The following SLC25A12 variants were observed in gnomAD, a reference collection of about 807,000 sequenced individuals.
The protein encoded by SLC25A12 is solute carrier family 25 member 12, also known as electrogenic aspartate/glutamate antiporter SLC25A12, mitochondrial.
SLC25A12 carries 32 observed loss-of-function variants against 83.3 expected under a neutral mutation model. That is an observed-to-expected ratio of 0.38 (90% CI 0.29 to 0.52). The LOEUF (loss-of-function observed/expected upper bound fraction) is 0.52. SLC25A12 is among the 20% of genes least tolerant of loss of function. SLC25A12 has a pLI of 0.84. For missense variants in SLC25A12, 611 were observed against 835.6 expected (o/e 0.73, Z 3.31); for synonymous variants, 267 against 291.1 (o/e 0.92, Z 0.84).
At chr2:171,793,854 A>C in intron 13 of SLC25A12, 87 bp from the exon 14 acceptor site, 2 of 1,439,800 alleles carry the variant, frequency 1.4e-6, no homozygotes, top group Non-Finnish European at 9.7e-7. Context: ...AAGCCTCCAC[A>C]TCTTGCTATC....
intron 3 of SLC25A12, 58 bp from the exon 4 acceptor site, chr2:171,856,007 T>A: frequency 1.1e-6 from 1 of 933,434 alleles, no homozygotes; most frequent in Non-Finnish European, 1.8e-6. Context: ...ATCAGGCATT[T>A]AATCTGCCTT....
At chr2:171,878,631 C>T (rs1371096434) in intron 2 of SLC25A12, among the ~76,000 whole-genome samples, 1 of 152,102 alleles carries the variant, frequency 6.6e-6, no homozygotes, top group Non-Finnish European at 1.5e-5. Flanking sequence ...TAATATGAGT[C>T]AAAACAAACT....
intron 10 of SLC25A12, among the ~76,000 whole-genome samples, chr2:171,814,532 A>C (rs1684009495): frequency 6.6e-6 from 1 of 151,670 alleles, no homozygotes; most frequent in Non-Finnish European, 1.5e-5. Context: ...GTATATATGA[A>C]GGTTTGTCAC....
At chr2:171,854,485 T>C (rs1384281111) in intron 4 of SLC25A12, among the ~76,000 whole-genome samples, 2 of 152,070 alleles carry the variant, frequency 1.3e-5, no homozygotes, top group Non-Finnish European at 2.9e-5. Flanking sequence ...GAGAATCACT[T>C]GAACCCGGGA....
At chr2:171,840,536 A>G (rs1684650198) in intron 5 of SLC25A12, among the ~76,000 whole-genome samples, 1 of 152,134 alleles carries the variant, frequency 6.6e-6, no homozygotes, top group Non-Finnish European at 1.5e-5. Flanking sequence ...GTGAAAGAAA[A>G]GAGTGCATCC....
At chr2:171,827,918 T>G (rs1480139078) in intron 8 of SLC25A12, among the ~76,000 whole-genome samples, 5 of 150,678 alleles carry the variant, frequency 3.3e-5, no homozygotes, top group Non-Finnish European at 5.9e-5. Context: ...GCTATCTCCA[T>G]GCAGAGCTCC....
rs1341323093 is a variant in SLC25A12, at chr2:171,783,615, TGGAGGTAGAA to T, written c.*1649_*1658del. 2.6e-5 allele frequency among the ~76,000 whole-genome samples: 4 copies of T among 152,142 alleles called. No homozygotes were observed. The highest frequency in any genetic ancestry group is 9.6e-5 in the African/African-American group (4 of 41,460). ...TGATTACCTCTGGGCCAGGAAGTGG[TGGAGGTAGAA>T]GGAGGGTAAGCGGGACACTTTCCCA... On this transcript the variant is annotated 3_prime_UTR_variant, in exon 18 of 18. Transcript: ENST00000422440.
chr2:171,870,677 G>C (rs935695232), intron 2 of SLC25A12, among the ~76,000 whole-genome samples: 65 of 152,040 alleles, frequency 4.3e-4, no homozygotes, highest in Non-Finnish European at 2.9e-5. Context: ...GTAGTACAAG[G>C]AAGCTAAGAC....
At chr2:171,830,404 TTGAC>T (rs546497231) in intron 8 of SLC25A12, among the ~76,000 whole-genome samples, 1 of 152,236 alleles carries the variant, frequency 6.6e-6, no homozygotes, top group Non-Finnish European at 1.5e-5. Flanking sequence ...TCACAGTAGA[TTGAC>T]TGCAGTTTCT....
At chr2:171,870,734 T>C (rs952107959) in intron 2 of SLC25A12, among the ~76,000 whole-genome samples, 7 of 152,090 alleles carry the variant, frequency 4.6e-5, no homozygotes, top group Non-Finnish European at 1.0e-4. Context: ...AATATCAATA[T>C]AGAAATGTGA....
intron 2 of SLC25A12, 149 bp from the exon 3 acceptor site, chr2:171,868,972 A>C: frequency 1.4e-6 from 1 of 720,388 alleles, no homozygotes; most frequent in South Asian, 1.7e-5. Context: ...ATACCGAAAA[A>C]TCAAATATTC....
rs73028734 is a variant in SLC25A12, at chr2:171,812,297, C to T, written c.1171+1042G>A. ...AATACCTGTATATAATGCTAACCAG[C>T]GGTGTTTTTTTCCTCCTGTCCATGA... is the stretch of plus-strand genomic sequence containing the variant. On this transcript the variant is annotated intron_variant, in intron 11 of 17. Coordinates refer to ENST00000422440, the MANE Select transcript of SLC25A12 (RefSeq NM_003705.5). 8.8e-3 allele frequency among the ~76,000 whole-genome samples: 1,332 copies of T among 152,142 alleles called. 11 individuals are homozygous for T. Among genetic ancestry groups the T allele is most frequent in the Middle Eastern group, 0.027 (8 of 294 alleles).
At chr2:171,821,993 G>T (rs1347706579) in intron 9 of SLC25A12, among the ~76,000 whole-genome samples, 1 of 152,120 alleles carries the variant, frequency 6.6e-6, no homozygotes, top group Non-Finnish European at 1.5e-5. Context: ...ATGGTATGGG[G>T]TAGTGATTTT....
At chr2:171,861,094 AAATAAT>A (rs1685149170) in intron 3 of SLC25A12, among the ~76,000 whole-genome samples, 1 of 151,582 alleles carries the variant, frequency 6.6e-6, no homozygotes. Context: ...CCTGTCTCAA[AAATAAT>A]AATAATAAAA....
chr2:171,819,408 G>T (rs1182524393), intron 9 of SLC25A12, among the ~76,000 whole-genome samples: 16 of 40,200 alleles, frequency 4.0e-4, no homozygotes, highest in South Asian at 1.9e-3. Flanking sequence ...AATTATATAA[G>T]TATATAATTA....
At position 171,813,322 on chromosome 2, in the gene SLC25A12, G is replaced by T; in HGVS notation, c.1171+17C>A. On this transcript the variant is annotated intron_variant, in intron 11 of 17. Coordinates refer to ENST00000422440, the MANE Select transcript of SLC25A12 (RefSeq NM_003705.5). ...GATCAAATCACTAACTTCAGCAGCT[G>T]GGATTTGCTTACTCACCCCTGTAGA... 1 of 1,613,630 alleles carries T rather than the reference G, an allele frequency of 6.2e-7. No individual in the cohort carries two copies. The highest frequency in any genetic ancestry group is 1.1e-5 in the South Asian group (1 of 91,068).
At chr2:171,889,193 G>A (rs1685882351) in intron 2 of SLC25A12, among the ~76,000 whole-genome samples, 1 of 151,964 alleles carries the variant, frequency 6.6e-6, no homozygotes, top group Non-Finnish European at 1.5e-5. Context: ...ATTTGTATCT[G>A]TCCAAATCCA....
At chr2:171,787,453 T>C (rs1690510157) in intron 17 of SLC25A12, 118 bp downstream of exon 17, 2 of 844,610 alleles carry the variant, frequency 2.4e-6, no homozygotes, top group African/African-American at 3.3e-5. Flanking sequence ...AATGCATTGG[T>C]CTTAAAGGTT....
intron 13 of SLC25A12, among the ~76,000 whole-genome samples, chr2:171,802,275 A>C (rs866213256): frequency 6.6e-5 from 10 of 152,270 alleles, no homozygotes; most frequent in Middle Eastern, 6.8e-3. Flanking sequence ...CAAAGTGTGG[A>C]GGTTACAGTC....
Sources: gnomAD v4.1 joint callset for allele counts (sites outside exome capture counted in the v4.1 genomes callset) on GRCh38, gnomAD v4.1.1 for gene constraint, MANE v1.5 for transcripts, NCBI Gene and HGNC (gene_info 2026-07-23, HGNC 2026-07-21) for gene names.